Variants in SNX25 observed in about 807,000 individuals in gnomAD.
SNX25 encodes sorting nexin 25, also known as sorting nexin-25.
Under a neutral mutation model 113.7 loss-of-function variants are expected in SNX25, and 62 were observed. The ratio of observed to expected loss-of-function variants is 0.55; its 90% CI spans 0.44 to 0.67. The LOEUF (loss-of-function observed/expected upper bound fraction) is 0.67. Ranked by LOEUF, SNX25 falls within the 30% of genes least tolerant of loss-of-function variation. The probability of loss-of-function intolerance (pLI) is 0.00; values close to 1 mark genes in which losing one functional copy is unlikely to be tolerated. For missense variants in SNX25, 1,014 were observed against 1,161.0 expected (o/e 0.87, Z 1.84); for synonymous variants, 421 against 436.2 (o/e 0.97, Z 0.43).
At chr4:185,349,133 T>G (rs1441145088) in intron 13 of SNX25, among the ~76,000 whole-genome samples, 2 of 152,164 alleles carry the variant, frequency 1.3e-5, no homozygotes, top group Non-Finnish European at 2.9e-5. Flanking sequence ...AGGATTGTCT[T>G]GGGCCACACA....
chr4:185,235,149 G>T (rs1742425290), intron 1 of SNX25, among the ~76,000 whole-genome samples: 1 of 152,244 alleles, frequency 6.6e-6, no homozygotes, highest in African/African-American at 2.4e-5. Context: ...AACAGAACCA[G>T]AATCATACAT....
At chr4:185,287,933 TA>T in intron 5 of SNX25, 78 bp from the exon 6 acceptor site, 1 of 1,174,664 alleles carries the variant, frequency 8.5e-7, no homozygotes, top group Non-Finnish European at 1.2e-6. Flanking sequence ...TTGTTTAGTA[TA>T]AATACAGTCT....
At chr4:185,221,142 C>T (rs1031169245) in intron 1 of SNX25, among the ~76,000 whole-genome samples, 4 of 152,030 alleles carry the variant, frequency 2.6e-5, no homozygotes, top group African/African-American at 9.7e-5. Flanking sequence ...AAGCCTTCCT[C>T]CCACTTCAGC....
At chr4:185,230,800 A>G (rs1219157049) in intron 1 of SNX25, among the ~76,000 whole-genome samples, 2 of 152,202 alleles carry the variant, frequency 1.3e-5, no homozygotes, top group African/African-American at 2.4e-5. Context: ...TAAAAATACA[A>G]TACTTACTCT....
intron 6 of SNX25, among the ~76,000 whole-genome samples, chr4:185,290,171 G>T (rs935640282): frequency 6.6e-6 from 1 of 152,186 alleles, no homozygotes; most frequent in Non-Finnish European, 1.5e-5. Flanking sequence ...CAAAGGCCCT[G>T]TCTCCAAATA....
intron 6 of SNX25, among the ~76,000 whole-genome samples, chr4:185,305,085 G>T (rs1373615069): frequency 6.6e-6 from 1 of 152,130 alleles, no homozygotes; most frequent in Non-Finnish European, 1.5e-5. Flanking sequence ...CCAGGTGGAG[G>T]GTAGGAGGTG....
At chr4:185,342,641 G>A (rs367732162) in intron 12 of SNX25, among the ~76,000 whole-genome samples, 3 of 150,140 alleles carry the variant, frequency 2.0e-5, no homozygotes, top group African/African-American at 2.5e-5. Context: ...GCATTAAGGC[G>A]CGGTGCTTGG....
At chr4:185,346,979 A>G (rs2095290305) in intron 13 of SNX25, among the ~76,000 whole-genome samples, 1 of 152,166 alleles carries the variant, frequency 6.6e-6, no homozygotes, top group Non-Finnish European at 1.5e-5. Flanking sequence ...AGCACCATAG[A>G]TCAGTTACAG....
rs545866445 is a variant in SNX25, at chr4:185,357,848, T to C, written c.2651+111T>C. 49 of 912,830 alleles carry C rather than the reference T, an allele frequency of 5.4e-5. No homozygotes were observed. The South Asian group carries it at 7.0e-4, about 13-fold the overall frequency. 56.5% of individuals were successfully genotyped at this position (912,830 alleles called of 1,614,324 possible). On this transcript the variant is annotated intron_variant, in intron 16 of 18. Transcript: ENST00000652585. ...ATTTAACTGAAAGTCTTTAATTTTCTCTCACTTTTCGTTTCTGATATGATT... is the reference window on the plus strand; with the variant it reads ...ATTTAACTGAAAGTCTTTAATTTTCCCTCACTTTTCGTTTCTGATATGATT...
At chr4:185,321,515 G>A (rs1205760427) in intron 8 of SNX25, among the ~76,000 whole-genome samples, 1 of 151,948 alleles carries the variant, frequency 6.6e-6, no homozygotes, top group African/African-American at 2.4e-5. Flanking sequence ...TGTCCACGTG[G>A]GCCTCCCAAA....
At chr4:185,260,630 C>T (rs1294988920) in intron 3 of SNX25, among the ~76,000 whole-genome samples, 2 of 152,224 alleles carry the variant, frequency 1.3e-5, no homozygotes, top group African/African-American at 4.8e-5. Context: ...GTACACAGGA[C>T]ACTTTTCCTT....
chr4:185,250,309 C>T (rs1021990613), intron 2 of SNX25, among the ~76,000 whole-genome samples: 6 of 152,200 alleles, frequency 3.9e-5, no homozygotes, highest in African/African-American at 1.4e-4. Flanking sequence ...CCCTGGTGGA[C>T]AGTAGTTGGA....
intron 7 of SNX25, among the ~76,000 whole-genome samples, chr4:185,320,376 A>G (rs2095110147): frequency 6.6e-6 from 1 of 152,176 alleles, no homozygotes; most frequent in Non-Finnish European, 1.5e-5. Context: ...TAACACAGGA[A>G]CAGAAAACCA....
downstream of SNX25, among the ~76,000 whole-genome samples, chr4:185,374,807 G>C (rs1388289851): frequency 6.6e-6 from 1 of 152,012 alleles, no homozygotes; most frequent in East Asian, 1.9e-4. Flanking sequence ...ACAGTTCTTA[G>C]AACTGGCTAA....
chr4:185,209,696 G>A lies in SNX25; in HGVS notation c.-131G>A, dbSNP rs1737434690. ...GAGGGGTCGCCGAGAGGGGCCCGGC[G>A]GCGTCTGCGGGGGCCGCTCCCTCGG... is the stretch of plus-strand genomic sequence containing the variant. On this transcript the variant is annotated 5_prime_UTR_variant, in exon 1 of 19. Coordinates refer to ENST00000652585, the MANE Select transcript of SNX25 (RefSeq NM_001378034.2). The surrounding 1 kb of genome is among the most constrained non-coding windows in gnomAD (Gnocchi z 5.2). 1.0e-6 allele frequency: 1 copy of A among 973,972 alleles called. No homozygotes were observed. The highest frequency in any genetic ancestry group is 1.2e-6 in the Non-Finnish European group (1 of 820,050). The allele number at this position is 973,972 out of a possible 1,614,324, so 60.3% of individuals were successfully genotyped here. A position where few individuals can be genotyped will look rare whatever the true frequency, so the allele number is the denominator to read the frequency against.
intron 6 of SNX25, among the ~76,000 whole-genome samples, chr4:185,302,506 A>C (rs537963334): frequency 3.3e-4 from 50 of 152,322 alleles, no homozygotes; most frequent in Non-Finnish European, 3.8e-4. Flanking sequence ...AAACCTCCAC[A>C]CATTTGGTCA....
chr4:185,245,645 A>G (rs1266906770), intron 1 of SNX25, among the ~76,000 whole-genome samples: 1 of 152,136 alleles, frequency 6.6e-6, no homozygotes, highest in Non-Finnish European at 1.5e-5. Context: ...AGCCCAAAGC[A>G]GTATCTTTAT....
chr4:185,320,692 A>T, intron 7 of SNX25, 41 bp from the exon 8 acceptor site: 1 of 1,384,840 alleles, frequency 7.2e-7, no homozygotes, highest in Non-Finnish European at 9.5e-7. Flanking sequence ...TGACATTTAA[A>T]ATTCGATTTT....
At chr4:185,253,874 C>G (rs1039815882) in intron 2 of SNX25, among the ~76,000 whole-genome samples, 2 of 152,210 alleles carry the variant, frequency 1.3e-5, no homozygotes, top group African/African-American at 4.8e-5. Flanking sequence ...GTTACATACA[C>G]AGGGTCATAA....
Sources: allele counts gnomAD v4.1 joint callset (sites outside exome capture counted in the v4.1 genomes callset), GRCh38; gene constraint gnomAD v4.1.1; non-coding constraint Gnocchi (gnomAD v3.1); transcripts MANE v1.5; gene names NCBI Gene and HGNC (gene_info 2026-07-23, HGNC 2026-07-21).